Variants in TUSC3 observed in about 807,000 individuals in gnomAD.
The protein encoded by TUSC3 is tumor suppressor candidate 3, also known as dolichyl-diphosphooligosaccharide--protein glycosyltransferase subunit TUSC3.
TUSC3 carries 45 observed loss-of-function variants against 44.8 expected under a neutral mutation model. The ratio of observed to expected loss-of-function variants is 1.00; its 90% CI spans 0.79 to 1.29. The LOEUF (loss-of-function observed/expected upper bound fraction) is 1.29. Ranked by LOEUF, TUSC3 falls within the 50% of genes most tolerant of loss-of-function variation. The probability of loss-of-function intolerance (pLI) is 0.00; values close to 1 mark genes in which losing one functional copy is unlikely to be tolerated. For missense variants in TUSC3, 519 were observed against 437.9 expected (o/e 1.19, Z -1.65); for synonymous variants, 212 against 152.9 (o/e 1.39, Z -2.85).
At chr8:15,674,121 A>G (rs1808078112) in intron 6 of TUSC3, among the ~76,000 whole-genome samples, 1 of 152,010 alleles carries the variant, frequency 6.6e-6, no homozygotes, top group East Asian at 1.9e-4. Flanking sequence ...ATCTGCTGCT[A>G]TGGCGATAAC....
At chr8:15,629,705 C>T (rs1269560729) in intron 2 of TUSC3, among the ~76,000 whole-genome samples, 2 of 149,282 alleles carry the variant, frequency 1.3e-5, no homozygotes, top group Non-Finnish European at 3.0e-5. Context: ...GTAGTACTTT[C>T]CTTTGTGAGA....
At chr8:15,697,110 G>T (rs1394918499) in intron 6 of TUSC3, among the ~76,000 whole-genome samples, 1 of 152,068 alleles carries the variant, frequency 6.6e-6, no homozygotes, top group Non-Finnish European at 1.5e-5. Context: ...GTATTTCAGT[G>T]GTGTCAGCTG....
At chr8:15,477,780 T>C (rs1357987717) in intron 1 of TUSC3, among the ~76,000 whole-genome samples, 2 of 152,236 alleles carry the variant, frequency 1.3e-5, no homozygotes, top group African/African-American at 4.8e-5. Context: ...ATATAGTGTT[T>C]TCATATAAGC....
At chr8:15,500,851 T>C (rs1027588143) in intron 2 of TUSC3, among the ~76,000 whole-genome samples, 1 of 152,186 alleles carries the variant, frequency 6.6e-6, no homozygotes, top group Non-Finnish European at 1.5e-5. Flanking sequence ...AGAATCTCAG[T>C]TTTCTTTCTT....
chr8:15,524,820 A>G (rs1207626859), intron 2 of TUSC3, among the ~76,000 whole-genome samples: 2 of 93,864 alleles, frequency 2.1e-5, no homozygotes, highest in Non-Finnish European at 6.1e-5. Flanking sequence ...TTAAATATAG[A>G]AAGAGATCCC....
intron 2 of TUSC3, among the ~76,000 whole-genome samples, chr8:15,526,378 T>C (rs373715910): frequency 1.1e-4 from 16 of 152,246 alleles, no homozygotes; most frequent in African/African-American, 3.4e-4. Flanking sequence ...AGAGGGAAAC[T>C]AGTAAAGATT....
chr8:15,744,561 G>C lies in TUSC3; in HGVS notation c.937+949G>C, dbSNP rs182983230. Reference sequence around the variant, plus strand: ...TCCAGACTTCATGGGTTTTTAGCTAGGGTGACATGTGTGTAAACAAATCAT... The same window carrying C: ...TCCAGACTTCATGGGTTTTTAGCTACGGTGACATGTGTGTAAACAAATCAT... On this transcript the variant is annotated intron_variant, in intron 8 of 10. Transcript: ENST00000503731. Among the ~76,000 whole-genome samples the C allele has an allele frequency of 5.5e-3, 844 of 152,104 alleles. 7 individuals carry two copies. The highest frequency in any genetic ancestry group is 9.9e-3 in the Non-Finnish European group (670 of 67,976).
intron 1 of TUSC3, among the ~76,000 whole-genome samples, chr8:15,601,988 A>G (rs764966710): frequency 2.6e-5 from 4 of 151,556 alleles, no homozygotes; most frequent in African/African-American, 7.3e-5. Flanking sequence ...ATTTGTATCA[A>G]TTGAGCATCC....
At chr8:15,457,773 C>T (rs1022086330) in intron 1 of TUSC3, among the ~76,000 whole-genome samples, 1 of 145,810 alleles carries the variant, frequency 6.9e-6, no homozygotes, top group Non-Finnish European at 1.5e-5. Flanking sequence ...ATTAGATAAT[C>T]TAATAAATTA....
At chr8:15,780,324 C>A in the TUSC3 span, among the ~76,000 whole-genome samples, 1 of 152,122 alleles carries the variant, frequency 6.6e-6, no homozygotes, top group Non-Finnish European at 1.5e-5. Flanking sequence ...TACAGCTGTT[C>A]CCTGAGGGGA....
At chr8:15,446,511 T>A (rs1003181398) in intron 1 of TUSC3, among the ~76,000 whole-genome samples, 2 of 151,914 alleles carry the variant, frequency 1.3e-5, no homozygotes, top group African/African-American at 4.8e-5. Context: ...AGATCACTCA[T>A]GGTCAGGAGC....
intron 1 of TUSC3, among the ~76,000 whole-genome samples, chr8:15,449,211 C>T (rs1800160560): frequency 6.6e-6 from 1 of 152,032 alleles, no homozygotes; most frequent in Admixed American, 6.6e-5. Context: ...AGGAAGCGGC[C>T]AAATATACAT....
chr8:15,575,814 A>G, intron 1 of TUSC3, among the ~76,000 whole-genome samples: 1 of 152,122 alleles, frequency 6.6e-6, no homozygotes, highest in South Asian at 2.1e-4. Flanking sequence ...CAAATATTAT[A>G]CATAGTTTAT....
At chr8:15,539,753 T>C (rs1010083705), upstream of TUSC3, among the ~76,000 whole-genome samples, 1 of 152,166 alleles carries the variant, frequency 6.6e-6, no homozygotes, top group Non-Finnish European at 1.5e-5. Flanking sequence ...ATGCACTCCA[T>C]GGATGCTGAA....
At chr8:15,685,223 C>T (rs1808580507) in intron 6 of TUSC3, among the ~76,000 whole-genome samples, 1 of 152,020 alleles carries the variant, frequency 6.6e-6, no homozygotes, top group South Asian at 2.1e-4. Context: ...TAGCTGGGAT[C>T]CCAGAGGTAT....
chr8:15,714,607 A>G (rs767749964), intron 6 of TUSC3, among the ~76,000 whole-genome samples: 1 of 152,164 alleles, frequency 6.6e-6, no homozygotes, highest in African/African-American at 2.4e-5. Flanking sequence ...ATTAATCCAG[A>G]TATTTCAGTA....
At chr8:15,481,413 C>G (rs1209224469) in intron 1 of TUSC3, among the ~76,000 whole-genome samples, 1 of 152,112 alleles carries the variant, frequency 6.6e-6, no homozygotes, top group African/African-American at 2.4e-5. Context: ...CCCTCTTTTG[C>G]TCTTTCTTGG....
the TUSC3 span, among the ~76,000 whole-genome samples, chr8:15,813,009 G>A: frequency 6.6e-6 from 1 of 152,032 alleles, no homozygotes; most frequent in African/African-American, 2.4e-5. Context: ...CACAAGAATC[G>A]CTTGAACCTG....
chr8:15,600,390 G>C (rs1173137193), intron 1 of TUSC3, among the ~76,000 whole-genome samples: 1 of 151,714 alleles, frequency 6.6e-6, no homozygotes, highest in Non-Finnish European at 1.5e-5. Context: ...TAGGATGTCA[G>C]TAGGCTTAGA....
Sources: gnomAD v4.1 joint callset for allele counts (sites outside exome capture counted in the v4.1 genomes callset) on GRCh38, gnomAD v4.1.1 for gene constraint, MANE v1.5 for transcripts, NCBI Gene and HGNC (gene_info 2026-07-23, HGNC 2026-07-21) for gene names.